The following FAM13B variants were observed in gnomAD, a reference collection of about 807,000 sequenced individuals.
FAM13B encodes family with sequence similarity 13 member B.
A neutral mutation model predicts 117.3 loss-of-function variants in FAM13B; 60 were observed. The observed-to-expected ratio is 0.51, with a 90% CI of 0.42 to 0.63. FAM13B has a LOEUF of 0.63. FAM13B is among the 30% of genes least tolerant of loss of function. FAM13B has a pLI of 0.00. For synonymous variants in FAM13B, 332 were observed against 356.1 expected (o/e 0.93, Z 0.76); for missense variants, 972 against 1,091.9 (o/e 0.89, Z 1.55).
intron 1 of FAM13B, among the ~76,000 whole-genome samples, chr5:138,030,623 A>G (rs1789632505): frequency 6.6e-6 from 1 of 151,976 alleles, no homozygotes; most frequent in South Asian, 2.1e-4. Context: ...AAAGTCCACC[A>G]GTGGGTTTTT....
At chr5:137,969,003 C>T (rs1771088605) in intron 10 of FAM13B, among the ~76,000 whole-genome samples, 1 of 152,220 alleles carries the variant, frequency 6.6e-6, no homozygotes. Flanking sequence ...AGTCTGAGAT[C>T]AAACTGCAAG....
At chr5:137,966,488 T>TATATATATATAGAGAGAGAGAGAGAG (rs1461425784) in intron 10 of FAM13B, among the ~76,000 whole-genome samples, 1 of 29,484 alleles carries the variant, frequency 3.4e-5, no homozygotes, top group Non-Finnish European at 6.1e-5. Context: ...TATATATATA[T>TATATATATATAGAGAGAGAGAGAGAG]AGAGAGAGAG....
chr5:137,977,711 G>T (rs1774424745), intron 10 of FAM13B, among the ~76,000 whole-genome samples: 2 of 152,136 alleles, frequency 1.3e-5, no homozygotes, highest in Admixed American at 1.3e-4. Flanking sequence ...TGCAAAACTT[G>T]TGCAAAAGGC....
At chr5:137,968,314 A>G (rs1770755141) in intron 10 of FAM13B, among the ~76,000 whole-genome samples, 1 of 151,278 alleles carries the variant, frequency 6.6e-6, no homozygotes, top group Non-Finnish European at 1.5e-5. Flanking sequence ...GGTGGCACAC[A>G]CTTTTAATCC....
chr5:137,997,444 G>A (rs4835747), intron 7 of FAM13B, among the ~76,000 whole-genome samples: 111,809 of 151,442 alleles, frequency 0.74, 41,923 homozygotes, highest in East Asian at 0.97. Context: ...ACTCCAGCCT[G>A]GACAACAAGA....
chr5:137,952,666 C>T lies in FAM13B; in HGVS notation c.1892G>A (p.Trp631Ter). The T allele has an allele frequency of 6.2e-7, 1 of 1,604,908 alleles. No individual in the cohort carries two copies. The highest frequency in any genetic ancestry group is 8.5e-7 in the Non-Finnish European group (1 of 1,175,166). Residue 631 changes from tryptophan (W) to a stop codon, truncating the protein, a stop_gained, in exon 17 of 24, where the codon TGG (tryptophan) becomes TAG (stop). Coordinates refer to ENST00000689681, the MANE Select transcript of FAM13B (RefSeq NM_001385994.1). LOFTEE classifies it high-confidence loss of function. The stretch of plus-strand genomic sequence containing the variant: ...CCGCAGTTTTGTAAGCTCTGTCATC[C>T]ATTTTAATACCTTTGGATTGGCAGC... ...DIAANPKVLK[W>*]MTELTKLRKQ...
intron 10 of FAM13B, among the ~76,000 whole-genome samples, chr5:137,965,468 C>T (rs1769423625): frequency 6.6e-6 from 1 of 152,214 alleles, no homozygotes; most frequent in Non-Finnish European, 1.5e-5. Context: ...CTCTGGTCTC[C>T]ATCCCTTCCT....
At chr5:138,024,475 T>C (rs1581280905) in intron 1 of FAM13B, among the ~76,000 whole-genome samples, 1 of 151,602 alleles carries the variant, frequency 6.6e-6, no homozygotes, top group Non-Finnish European at 1.5e-5. Context: ...CCTCCTCAAC[T>C]GTGAGAAAAA....
chr5:138,011,686 G>A lies in FAM13B; in HGVS notation c.548+82C>T, dbSNP rs148480142. Reference sequence around the variant, plus strand: ...GCCCGCATCAGCCTCCCAAAGTGCTGGGATTACAGGCATGAGCCACCGTGC... The same window carrying A: ...GCCCGCATCAGCCTCCCAAAGTGCTAGGATTACAGGCATGAGCCACCGTGC... On this transcript the variant is annotated intron_variant, in intron 5 of 23. Coordinates refer to ENST00000689681, the MANE Select transcript of FAM13B (RefSeq NM_001385994.1). The A allele has an allele frequency of 3.7e-3, 3,578 of 963,794 alleles. 19 individuals carry two copies. Among genetic ancestry groups the A allele is most frequent in the Non-Finnish European group, 4.9e-3 (3,141 of 645,708 alleles). 59.7% of individuals were successfully genotyped at this position (963,794 alleles called of 1,614,324 possible). A position where few individuals can be genotyped will look rare whatever the true frequency, so the allele number is the denominator to read the frequency against.
At chr5:138,001,348 G>A (rs956139558) in intron 7 of FAM13B, among the ~76,000 whole-genome samples, 2 of 152,090 alleles carry the variant, frequency 1.3e-5, no homozygotes, top group Admixed American at 6.6e-5. Flanking sequence ...TATATACTAG[G>A]CCCTATGCAT....
Position 137,938,503 on chromosome 5 carries a change from C to T in FAM13B, c.*1722G>A, listed in dbSNP as rs1183680167. On this transcript the variant is annotated 3_prime_UTR_variant, in exon 24 of 24. Transcript: ENST00000689681. ...ATGATGGATTCAAATAAAAATGATA[C>T]ATCTTTTGGTATTTTCAATTTCACT... 1 of 152,514 alleles carries T rather than the reference C, an allele frequency of 6.6e-6. No homozygotes were observed. Among genetic ancestry groups the T allele is most frequent in the African/African-American group, 2.4e-5 (1 of 41,410 alleles). The allele number at this position is 152,514 out of a possible 1,614,324, so 9.4% of individuals were successfully genotyped here. A position where few individuals can be genotyped will look rare whatever the true frequency, so the allele number is the denominator to read the frequency against.
intron 10 of FAM13B, among the ~76,000 whole-genome samples, chr5:137,962,747 C>T (rs1363969413): frequency 6.6e-6 from 1 of 152,038 alleles, no homozygotes; most frequent in Non-Finnish European, 1.5e-5. Flanking sequence ...ATTATCTCCT[C>T]CAAAATGATG....
intron 10 of FAM13B, among the ~76,000 whole-genome samples, chr5:137,984,766 G>GC (rs1776722662): frequency 6.8e-6 from 1 of 147,888 alleles, no homozygotes. Context: ...AAAATAAGTT[G>GC]TTTTTTTTTT....
chr5:138,032,930 G>T lies in FAM13B; in HGVS notation c.-351C>A. On this transcript the variant is annotated 5_prime_UTR_variant, in exon 1 of 24. Transcript: ENST00000689681. ...GCCGCTGACGGGAGGTTAAAGCTACGGCTGTGGCGCGGGGCCAGCCCGGTA... is the reference window on the plus strand; with the variant it reads ...GCCGCTGACGGGAGGTTAAAGCTACTGCTGTGGCGCGGGGCCAGCCCGGTA... 4 of 985,968 alleles carry T rather than the reference G, an allele frequency of 4.1e-6. No individual in the cohort carries two copies. The highest frequency in any genetic ancestry group is 4.8e-6 in the Non-Finnish European group (4 of 830,230). 61.1% of individuals were successfully genotyped at this position (985,968 alleles called of 1,614,324 possible). A position where few individuals can be genotyped will look rare whatever the true frequency, so the allele number is the denominator to read the frequency against.
rs1378173335 is a variant in FAM13B, at chr5:137,987,462, GGTT to G, written c.1042_1044del (p.Asn348del). The G allele has an allele frequency of 6.2e-7, 1 of 1,605,398 alleles. No homozygotes were observed. The highest frequency in any genetic ancestry group is 1.3e-5 in the African/African-American group (1 of 74,540). ...AAACAACAGTAAAATGTTTCTTACT[GGTT>G]ATTAGATCCTTCCCCATCACAATGA... On this transcript the variant is annotated inframe_deletion and splice_region_variant, in exon 9 of 24. Transcript: ENST00000689681.
chr5:137,950,648 C>G (rs1764691107), intron 17 of FAM13B, among the ~76,000 whole-genome samples: 1 of 152,136 alleles, frequency 6.6e-6, no homozygotes, highest in Non-Finnish European at 1.5e-5. Context: ...GTCCTCCTGC[C>G]TCAGCCTCCA....
chr5:138,003,150 A>T (rs578087714), intron 7 of FAM13B, among the ~76,000 whole-genome samples: 4 of 152,322 alleles, frequency 2.6e-5, no homozygotes, highest in Middle Eastern at 3.4e-3. Flanking sequence ...AACCGTAAAA[A>T]TAAGTTGCCA....
intron 1 of FAM13B, among the ~76,000 whole-genome samples, chr5:138,049,699 A>G (rs1361400065): frequency 6.6e-6 from 1 of 152,140 alleles, no homozygotes. Context: ...CTGTTTTCTC[A>G]CTCGGATATT....
intron 5 of FAM13B, among the ~76,000 whole-genome samples, chr5:138,011,468 G>C (rs960412195): frequency 1.3e-5 from 2 of 151,756 alleles, no homozygotes; most frequent in African/African-American, 4.8e-5. Context: ...ACCCAGGCTG[G>C]AGTGCATTGG....
Sources: gnomAD v4.1 joint callset for allele counts (sites outside exome capture counted in the v4.1 genomes callset) on GRCh38, gnomAD v4.1.1 for gene constraint, MANE v1.5 for transcripts, NCBI Gene and HGNC (gene_info 2026-07-23, HGNC 2026-07-21) for gene names.